The following ZNF471 variants were observed in gnomAD, a reference collection of about 807,000 sequenced individuals.
The protein encoded by ZNF471 is EZFIT-related protein 1.
ZNF471 carries 7 observed loss-of-function variants against 13.7 expected under a neutral mutation model. The ratio of observed to expected loss-of-function variants is 0.51; its 90% CI spans 0.29 to 0.96. The LOEUF (loss-of-function observed/expected upper bound fraction) is 0.96. ZNF471 is among the 40% of genes least tolerant of loss of function. The pLI is 0.08. For missense variants in ZNF471, 663 were observed against 743.3 expected (o/e 0.89, Z 1.26); for synonymous variants, 218 against 235.6 (o/e 0.93, Z 0.68).
In ZNF471 at chr19:56,527,829, T is replaced by G. The variant is rs918262544; in HGVS notation, c.*1881T>G. The G allele has an allele frequency of 6.6e-6, 1 of 152,212 alleles. No individual in the cohort carries two copies. Among genetic ancestry groups the G allele is most frequent in the Non-Finnish European group, 1.5e-5 (1 of 68,042 alleles). 9.4% of individuals were successfully genotyped at this position (152,212 alleles called of 1,614,324 possible). A position where few individuals can be genotyped will look rare whatever the true frequency, so the allele number is the denominator to read the frequency against. ...GAGTTCATTTCAGGCAGCCAGCTCT[T>G]CCTCACCCACTACATCACCAAGTCC... On this transcript the variant is annotated 3_prime_UTR_variant, in exon 5 of 5. Transcript: ENST00000308031.
rs1426955861 is a variant in ZNF471, at chr19:56,510,238, GGA to G, written c.-55-1277_-55-1276del. On this transcript the variant is annotated intron_variant, in intron 1 of 4. Transcript: ENST00000308031. The surrounding 1 kb of genome is among the most constrained non-coding windows in gnomAD (Gnocchi z 4.3). ...TGTTTGTGTATCTGTGTGAGACACT[GGA>G]GCATTTGAGTAACTGAGGCCTCTTT... 1 of 985,334 alleles carries G rather than the reference GGA, an allele frequency of 1.0e-6. No individual in the cohort carries two copies. The highest frequency in any genetic ancestry group is 1.1e-4 in the East Asian group (1 of 8,814). The allele number at this position is 985,334 out of a possible 1,614,324, so 61.0% of individuals were successfully genotyped here.
chr19:56,513,822 GTCC>G (rs2043841352), intron 2 of ZNF471, among the ~76,000 whole-genome samples: 1 of 151,906 alleles, frequency 6.6e-6, no homozygotes, highest in Non-Finnish European at 1.5e-5. Flanking sequence ...AAGCTTTGAT[GTCC>G]TCCTCTTGAG....
In ZNF471 at chr19:56,508,268, C is replaced by A; in HGVS notation, c.-56+348C>A. 1 of 791,546 alleles carries A rather than the reference C, an allele frequency of 1.3e-6. No homozygotes were observed. Among genetic ancestry groups the A allele is most frequent in the Non-Finnish European group, 1.5e-6 (1 of 659,728 alleles). The allele number at this position is 791,546 out of a possible 1,614,324, so 49.0% of individuals were successfully genotyped here. On this transcript the variant is annotated intron_variant, in intron 1 of 4. Coordinates refer to ENST00000308031, the MANE Select transcript of ZNF471 (RefSeq NM_020813.4). The surrounding 1 kb of genome is among the most constrained non-coding windows in gnomAD (Gnocchi z 4.7). ...GTGTGTGTGTGACAGACCGAGAGTCCAGTGTGAGACCAGGGTATGTTCGTG... is the reference window on the plus strand; with the variant it reads ...GTGTGTGTGTGACAGACCGAGAGTCAAGTGTGAGACCAGGGTATGTTCGTG...
chr19:56,519,597 A>T (rs962837945), intron 4 of ZNF471, among the ~76,000 whole-genome samples: 2 of 152,218 alleles, frequency 1.3e-5, no homozygotes, highest in Admixed American at 6.5e-5. Context: ...AGAAAAGGGC[A>T]TATCAATATA....
At chr19:56,513,036 A>G (rs1004686495) in intron 2 of ZNF471, among the ~76,000 whole-genome samples, 1 of 152,164 alleles carries the variant, frequency 6.6e-6, no homozygotes, top group Non-Finnish European at 1.5e-5. Context: ...CAGACCTTTT[A>G]GTTTGTGTGC....
chr19:56,518,387 C>A (rs902642367), intron 3 of ZNF471, 95 bp from the exon 4 acceptor site: 5 of 890,088 alleles, frequency 5.6e-6, no homozygotes, highest in Non-Finnish European at 7.1e-6. Context: ...ATCTAGTATT[C>A]CTACTATATC....
In ZNF471 at chr19:56,525,935, G is replaced by C; in HGVS notation, c.1868G>C (p.Gly623Ala). 1 of 1,560,476 alleles carries C rather than the reference G, an allele frequency of 6.4e-7. No homozygotes were observed. The highest frequency in any genetic ancestry group is 1.2e-5 in the South Asian group (1 of 81,010). The change falls in exon 5 of 5, where the codon GGA becomes GCA. Residue 623 changes from glycine (G) to alanine (A), a missense_variant. Physicochemically the swap from Gly to Ala is moderately conservative, Grantham distance 60 (BLOSUM62 0). Transcript: ENST00000308031. Reference sequence around the variant, plus strand: ...ATTTGTCATCAAAGAAGTCATACTGGAGAAGAACCTTAAGAATGTAGTGCA... The same window carrying C: ...ATTTGTCATCAAAGAAGTCATACTGCAGAAGAACCTTAAGAATGTAGTGCA... ...SLICHQRSHT[G>A]EEP
rs2044091515 is a variant in ZNF471 at position 56,530,184 on chromosome 19, A to G, written c.*4236A>G. On this transcript the variant is annotated 3_prime_UTR_variant, in exon 5 of 5. Coordinates refer to ENST00000308031, the MANE Select transcript of ZNF471 (RefSeq NM_020813.4). ...GACTAACATGATGACATCGTTATTA[A>G]CTACATAAACTTTATAAAGCTTAAA... is the stretch of plus-strand genomic sequence containing the variant. The G allele has an allele frequency of 1.3e-5, 2 of 152,182 alleles. No individual in the cohort carries two copies. Among genetic ancestry groups the G allele is most frequent in the African/African-American group, 4.8e-5 (2 of 41,434 alleles). 9.4% of individuals were successfully genotyped at this position (152,182 alleles called of 1,614,324 possible). A position where few individuals can be genotyped will look rare whatever the true frequency, so the allele number is the denominator to read the frequency against.
rs1307585150 is a variant in ZNF471 at position 56,528,741 on chromosome 19, G to C, written c.*2793G>C. The C allele has an allele frequency of 6.6e-6, 1 of 152,082 alleles. No homozygotes were observed. The highest frequency in any genetic ancestry group is 1.5e-5 in the Non-Finnish European group (1 of 68,012). The allele number at this position is 152,082 out of a possible 1,614,324, so 9.4% of individuals were successfully genotyped here. A position where few individuals can be genotyped will look rare whatever the true frequency, so the allele number is the denominator to read the frequency against. On this transcript the variant is annotated 3_prime_UTR_variant, in exon 5 of 5. Coordinates refer to ENST00000308031, the MANE Select transcript of ZNF471 (RefSeq NM_020813.4). The stretch of plus-strand genomic sequence containing the variant: ...CTGGATAAAACGAACAAAAGAATTA[G>C]AATTCCTGCGGGGAATATATACAAG...
intron 1 of ZNF471, chr19:56,509,830 T>C (rs182816263): frequency 1.0e-6 from 1 of 985,270 alleles, no homozygotes; most frequent in East Asian, 1.1e-4. Context: ...GTTTTTCCTC[T>C]TTGTCACCTG....
In ZNF471 at chr19:56,524,772, A is replaced by T. The variant is rs548419814; in HGVS notation, c.705A>T (p.Ala235=). 6.2e-7 allele frequency: 1 copy of T among 1,613,132 alleles called. No homozygotes were observed. The highest frequency in any genetic ancestry group is 1.1e-5 in the South Asian group (1 of 90,786). The part of the protein sequence containing the change: ...FRIHTGEKPY[A]CEECGKAFKQ... ...TTCATACTGGTGAAAAACCATATGC[A>T]TGTGAGGAATGTGGAAAAGCCTTCA... Residue 235 remains alanine (A), a synonymous_variant, in exon 5 of 5, where the codon GCA becomes GCT. Coordinates refer to ENST00000308031, the MANE Select transcript of ZNF471 (RefSeq NM_020813.4). This position sits in a 1 kb window ranked among gnomAD's most constrained non-coding sequence, Gnocchi z 4.8.
chr19:56,517,247 C>T (rs1291017880), intron 3 of ZNF471, among the ~76,000 whole-genome samples: 3 of 149,232 alleles, frequency 2.0e-5, no homozygotes, highest in African/African-American at 7.4e-5. Flanking sequence ...ATTCTCCTGC[C>T]TTAGCCTCCC....
chr19:56,511,253 A>C (rs1411209628), intron 1 of ZNF471, among the ~76,000 whole-genome samples: 1 of 152,010 alleles, frequency 6.6e-6, no homozygotes, highest in Admixed American at 6.5e-5. Flanking sequence ...GGATTATTTG[A>C]AAAATAAAGT....
In ZNF471 at chr19:56,508,229, C is replaced by CTGTGTGTG. The variant is rs3219817; in HGVS notation, c.-56+326_-56+333dup. 4,683 of 804,026 alleles carry CTGTGTGTG rather than the reference C, an allele frequency of 5.8e-3. 11 individuals are homozygous for CTGTGTGTG. Among genetic ancestry groups the CTGTGTGTG allele is most frequent in the Middle Eastern group, 8.2e-3 (13 of 1,592 alleles). The allele number at this position is 804,026 out of a possible 1,614,324, so 49.8% of individuals were successfully genotyped here. ...GAGGCTCCGTGAGAGGGTGTGGTTT[C>CTGTGTGTG]TGTGTGTGTGTGTGTGTGTGTGTGA... On this transcript the variant is annotated intron_variant, in intron 1 of 4. Coordinates refer to ENST00000308031, the MANE Select transcript of ZNF471 (RefSeq NM_020813.4). The surrounding 1 kb of genome is among the most constrained non-coding windows in gnomAD (Gnocchi z 4.7).
chr19:56,510,631 G>T lies in ZNF471; in HGVS notation c.-55-886G>T. 1 of 985,726 alleles carries T rather than the reference G, an allele frequency of 1.0e-6. No homozygotes were observed. The highest frequency in any genetic ancestry group is 1.2e-6 in the Non-Finnish European group (1 of 830,068). The allele number at this position is 985,726 out of a possible 1,614,324, so 61.1% of individuals were successfully genotyped here. A position where few individuals can be genotyped will look rare whatever the true frequency, so the allele number is the denominator to read the frequency against. On this transcript the variant is annotated intron_variant, in intron 1 of 4. Coordinates refer to ENST00000308031, the MANE Select transcript of ZNF471 (RefSeq NM_020813.4). The surrounding 1 kb of genome is among the most constrained non-coding windows in gnomAD (Gnocchi z 4.3). ...GTGCTTGTGATTGTGTCCTCCGTGTGACCATGAAACCTGTGTTAGTGTTTG... is the reference window on the plus strand; with the variant it reads ...GTGCTTGTGATTGTGTCCTCCGTGTTACCATGAAACCTGTGTTAGTGTTTG...
At chr19:56,509,373 T>C (rs1391130932) in intron 1 of ZNF471, among the ~76,000 whole-genome samples, 3 of 151,278 alleles carry the variant, frequency 2.0e-5, no homozygotes, top group Admixed American at 2.0e-4. Flanking sequence ...GTCCTATGCA[T>C]TTCTTCACCT....
At chr19:56,514,440 T>C (rs1379786150) in intron 2 of ZNF471, among the ~76,000 whole-genome samples, 1 of 152,190 alleles carries the variant, frequency 6.6e-6, no homozygotes, top group Non-Finnish European at 1.5e-5. Context: ...GAAATTACAT[T>C]ACATTTAATA....
At chr19:56,520,418 C>G (rs903498174) in intron 4 of ZNF471, among the ~76,000 whole-genome samples, 1 of 152,200 alleles carries the variant, frequency 6.6e-6, no homozygotes, top group South Asian at 2.1e-4. Flanking sequence ...AGATGATGGA[C>G]TCAGCATTCT....
chr19:56,513,393 A>G lies in ZNF471; in HGVS notation c.33+1789A>G, dbSNP rs755770433. On this transcript the variant is annotated intron_variant, in intron 2 of 4. Coordinates refer to ENST00000308031, the MANE Select transcript of ZNF471 (RefSeq NM_020813.4). ...CAGCGTAGCTTGGTGTCTTTCATCA[A>G]TTTGGAAATTTTTCAACCACAAATA... Among the ~76,000 whole-genome samples the G allele has an allele frequency of 1.3e-4, 20 of 152,328 alleles. No homozygotes were observed. The South Asian group carries it at 1.4e-3, about 11-fold the overall frequency.
Sources: gnomAD v4.1 joint callset for allele counts (sites outside exome capture counted in the v4.1 genomes callset) on GRCh38, gnomAD v4.1.1 for gene constraint, Gnocchi (gnomAD v3.1) non-coding constraint, MANE v1.5 for transcripts, NCBI Gene and HGNC (gene_info 2026-07-23, HGNC 2026-07-21) for gene names.